The following PTPRD variants were observed in gnomAD, a reference collection of about 807,000 sequenced individuals.
PTPRD encodes the protein protein tyrosine phosphatase receptor type D.
In PTPRD, 34 loss-of-function variants were observed where a neutral mutation model predicts 214.5. The ratio of observed to expected loss-of-function variants is 0.16; its 90% CI spans 0.12 to 0.21. PTPRD has a LOEUF of 0.21. PTPRD is among the 10% of genes least tolerant of loss of function. The pLI is 1.00. For missense variants in PTPRD, 2,545 were observed against 2,398.7 expected, an observed-to-expected ratio of 1.06 and a Z score of -1.27; for synonymous variants, 1,128 against 845.7, an observed-to-expected ratio of 1.33 and a Z score of -5.79.
chr9:9,634,676 C>T (rs2095699307), intron 7 of PTPRD, among the ~76,000 whole-genome samples: 1 of 152,006 alleles, frequency 6.6e-6, no homozygotes. Context: ...AAGATAAATC[C>T]AAGAAGCAGT....
chr9:9,985,755 TAAC>T (rs1362689329), intron 4 of PTPRD, among the ~76,000 whole-genome samples: 3 of 151,948 alleles, frequency 2.0e-5, no homozygotes, highest in Non-Finnish European at 2.9e-5. Flanking sequence ...TCATTTATAA[TAAC>T]AGTTTTTTGA....
At chr9:9,935,726 C>G (rs535729013) in intron 5 of PTPRD, among the ~76,000 whole-genome samples, 11,541 of 141,370 alleles carry the variant, frequency 0.082, 1,764 homozygotes, top group African/African-American at 0.34. Flanking sequence ...GAAAAAACTA[C>G]TTTAAAGTTC....
intron 9 of PTPRD, among the ~76,000 whole-genome samples, chr9:9,352,481 A>T (rs1168414473): frequency 3.3e-5 from 5 of 151,684 alleles, no homozygotes; most frequent in Non-Finnish European, 1.5e-5. Context: ...TTACAACAAA[A>T]TCTGCCTCAT....
In PTPRD at chr9:10,543,479, T is replaced by TACACAC. The variant is rs567757732; in HGVS notation, c.-600+68913_-600+68918dup. Among the ~76,000 whole-genome samples, 254 of 145,188 alleles carry TACACAC rather than the reference T, an allele frequency of 1.7e-3. 3 individuals carry two copies. Among genetic ancestry groups the TACACAC allele is most frequent in the African/African-American group, 3.6e-3 (139 of 38,902 alleles). ...GTTTGAAGAGTTTAATATATATATA[T>TACACAC]ACACACACACACACACACACACACA... is the stretch of plus-strand genomic sequence containing the variant. On this transcript the variant is annotated intron_variant, in intron 2 of 45. Transcript: ENST00000381196.
chr9:10,018,471 T>A (rs913926662), intron 4 of PTPRD, among the ~76,000 whole-genome samples: 77 of 150,940 alleles, frequency 5.1e-4, no homozygotes, highest in African/African-American at 1.7e-3. Context: ...TTTTTTAAGC[T>A]TTTAAAAATA....
intron 12 of PTPRD, among the ~76,000 whole-genome samples, chr9:8,710,780 A>G (rs1212095927): frequency 6.6e-6 from 1 of 152,224 alleles, no homozygotes; most frequent in Non-Finnish European, 1.5e-5. Flanking sequence ...AAGTCTTATT[A>G]AAAAGACTTT....
At chr9:9,375,384 T>A (rs1302190120) in intron 9 of PTPRD, among the ~76,000 whole-genome samples, 1 of 152,124 alleles carries the variant, frequency 6.6e-6, no homozygotes, top group Non-Finnish European at 1.5e-5. Flanking sequence ...GATCATGAGG[T>A]CAGGAGTTCA....
intron 12 of PTPRD, among the ~76,000 whole-genome samples, chr9:8,687,519 G>A (rs1041980045): frequency 1.3e-5 from 2 of 152,166 alleles, no homozygotes; most frequent in Admixed American, 6.5e-5. Flanking sequence ...CTCCTAAGGT[G>A]CCAACATCAA....
At chr9:8,927,258 A>G (rs995539716) in intron 11 of PTPRD, among the ~76,000 whole-genome samples, 5 of 152,144 alleles carry the variant, frequency 3.3e-5, no homozygotes, top group African/African-American at 1.2e-4. Context: ...GTTCTGGGAT[A>G]CATGTGCAGA....
intron 9 of PTPRD, among the ~76,000 whole-genome samples, chr9:9,293,917 C>T (rs940442141): frequency 4.0e-5 from 6 of 151,300 alleles, no homozygotes; most frequent in African/African-American, 1.2e-4. Context: ...TTTTTTAAAC[C>T]TAAAGGAATC....
At chr9:9,153,346 G>A (rs7854497) in intron 10 of PTPRD, among the ~76,000 whole-genome samples, 22,185 of 152,120 alleles carry the variant, frequency 0.15, 2,635 homozygotes, top group African/African-American at 0.31. Flanking sequence ...CATTCTTGGC[G>A]CTGTATACGA....
chr9:9,630,140 C>T (rs2095544863), intron 7 of PTPRD, among the ~76,000 whole-genome samples: 1 of 152,192 alleles, frequency 6.6e-6, no homozygotes, highest in South Asian at 2.1e-4. Context: ...AGCACAAGTT[C>T]AGCCAGAAGT....
At chr9:9,792,535 A>T (rs991077358) in intron 5 of PTPRD, among the ~76,000 whole-genome samples, 2 of 152,172 alleles carry the variant, frequency 1.3e-5, no homozygotes, top group Non-Finnish European at 1.5e-5. Flanking sequence ...GCCCTGGAGG[A>T]AAAAATAGAA....
intron 3 of PTPRD, among the ~76,000 whole-genome samples, chr9:10,300,980 C>T (rs540023373): frequency 1.3e-5 from 2 of 152,102 alleles, no homozygotes; most frequent in African/African-American, 2.4e-5. Context: ...GAAGACATCT[C>T]CCAGTAGGGG....
At chr9:8,852,285 T>C (rs2097834066) in intron 11 of PTPRD, among the ~76,000 whole-genome samples, 1 of 152,220 alleles carries the variant, frequency 6.6e-6, no homozygotes, top group Non-Finnish European at 1.5e-5. Context: ...ATTGAGAATT[T>C]ATAAATTTAA....
intron 2 of PTPRD, among the ~76,000 whole-genome samples, chr9:10,445,566 A>G (rs1386100578): frequency 6.6e-6 from 1 of 152,124 alleles, no homozygotes; most frequent in Non-Finnish European, 1.5e-5. Context: ...ACCAGTTACA[A>G]ATTGGGTAGA....
At position 10,327,951 on chromosome 9, in the gene PTPRD, GTTT is replaced by G. The variant is rs1442571522; in HGVS notation, c.-545+13009_-545+13011del. Among the ~76,000 whole-genome samples, 11 of 151,776 alleles carry G rather than the reference GTTT, an allele frequency of 7.2e-5. No homozygotes were observed. In the East Asian group the frequency reaches 2.2e-3, roughly 30 times the overall value. ...GTACATTGCAGTAACAATTTCTGGA[GTTT>G]TTATTATAAAAATTATCCTGTCTGT... On this transcript the variant is annotated intron_variant, in intron 3 of 45. Coordinates refer to ENST00000381196, the MANE Select transcript of PTPRD (RefSeq NM_002839.4).
intron 14 of PTPRD, among the ~76,000 whole-genome samples, chr9:8,629,640 G>C (rs942703020): frequency 2.0e-5 from 3 of 151,710 alleles, no homozygotes; most frequent in Non-Finnish European, 4.4e-5. Flanking sequence ...TTAAAGTTCT[G>C]CTTAGGATGG....
intron 2 of PTPRD, among the ~76,000 whole-genome samples, chr9:10,444,937 T>C (rs939230395): frequency 6.6e-6 from 1 of 151,928 alleles, no homozygotes; most frequent in Non-Finnish European, 1.5e-5. Flanking sequence ...TGTACATGTA[T>C]ACAGAAGAAC....
Sources: gnomAD v4.1 joint callset for allele counts (sites outside exome capture counted in the v4.1 genomes callset) on GRCh38, gnomAD v4.1.1 for gene constraint, MANE v1.5 for transcripts, NCBI Gene and HGNC (gene_info 2026-07-23, HGNC 2026-07-21) for gene names.